Variants in ZDHHC5 observed in about 807,000 individuals in gnomAD.
The protein encoded by ZDHHC5 is zDHHC palmitoyltransferase 5.
ZDHHC5 carries 22 observed loss-of-function variants against 70.0 expected under a neutral mutation model. That is an observed-to-expected ratio of 0.31 (90% confidence interval 0.22 to 0.45). ZDHHC5 has a LOEUF of 0.45. ZDHHC5 is among the 20% of genes least tolerant of loss of function. The probability of loss-of-function intolerance (pLI) is 1.00; values close to 1 mark genes in which losing one functional copy is unlikely to be tolerated. For missense variants in ZDHHC5, 746 were observed against 926.9 expected (o/e 0.80, Z 2.53); for synonymous variants, 313 against 347.8 (o/e 0.90, Z 1.11).
Position 57,698,459 on chromosome 11 carries a change from T to TAA in ZDHHC5, c.1123-99_1123-98insAA, listed in dbSNP as rs1946385597. ...ATGCATGTAAGAGTTCTAAGCTTAT[T>TAA]ATTGGCACATAATTCTCTTTTTGAC... On this transcript the variant is annotated intron_variant, in intron 10 of 11. Transcript: ENST00000287169. 4 of 1,463,052 alleles carry TAA rather than the reference T, an allele frequency of 2.7e-6. No homozygotes were observed. The African/African-American group carries it at 5.7e-5, about 21-fold the overall frequency. 90.6% of individuals were successfully genotyped at this position (1,463,052 alleles called of 1,614,324 possible).
chr11:57,690,014 T>G lies in ZDHHC5; in HGVS notation c.385-17T>G, dbSNP rs769926855. The G allele has an allele frequency of 1.1e-5, 18 of 1,613,170 alleles. No individual in the cohort carries two copies. The highest frequency in any genetic ancestry group is 1.4e-5 in the Non-Finnish European group (17 of 1,179,444). ...ATGGTCCAGGGATGCCTCTCATCTG[T>G]CTCTCTTTGTCCCTAGGAATTTGAT... On this transcript the variant is annotated splice_polypyrimidine_tract_variant and intron_variant, in intron 4 of 11. Coordinates refer to ENST00000287169, the MANE Select transcript of ZDHHC5 (RefSeq NM_015457.3).
At chr11:57,691,792 C>A (rs1313540844) in intron 6 of ZDHHC5, among the ~76,000 whole-genome samples, 1 of 150,186 alleles carries the variant, frequency 6.7e-6, no homozygotes, top group Non-Finnish European at 1.5e-5. Flanking sequence ...TATTTAAGAT[C>A]TTCCTAAAAA....
At chr11:57,677,283 A>ATTTTTT (rs1170220902) in intron 2 of ZDHHC5, among the ~76,000 whole-genome samples, 1 of 81,690 alleles carries the variant, frequency 1.2e-5, no homozygotes, top group Non-Finnish European at 2.3e-5. Context: ...GCTTCACGTG[A>ATTTTTT]TTTTTTTTTT....
chr11:57,672,144 T>G lies in ZDHHC5; in HGVS notation c.-947T>G. ...AACTTCGTTTTCATCCACAGTAAACTTTTGAAGTGTCATCAATTGGAATTG... is the reference window on the plus strand; with the variant it reads ...AACTTCGTTTTCATCCACAGTAAACGTTTGAAGTGTCATCAATTGGAATTG... On this transcript the variant is annotated 5_prime_UTR_variant, in exon 2 of 12. Transcript: ENST00000287169. 1 of 397,970 alleles carries G rather than the reference T, an allele frequency of 2.5e-6. No individual in the cohort carries two copies. Among genetic ancestry groups the G allele is most frequent in the Non-Finnish European group, 4.4e-6 (1 of 225,810 alleles). The allele number at this position is 397,970 out of a possible 1,614,324, so 24.7% of individuals were successfully genotyped here. A position where few individuals can be genotyped will look rare whatever the true frequency, so the allele number is the denominator to read the frequency against.
intron 3 of ZDHHC5, among the ~76,000 whole-genome samples, chr11:57,683,146 G>T (rs1050083438): frequency 6.6e-6 from 1 of 152,224 alleles, no homozygotes; most frequent in Non-Finnish European, 1.5e-5. Flanking sequence ...GGGGCTAGAG[G>T]ATGTTATGCA....
At chr11:57,669,236 A>G (rs1035687460) in intron 1 of ZDHHC5, among the ~76,000 whole-genome samples, 1 of 152,100 alleles carries the variant, frequency 6.6e-6, no homozygotes, top group Non-Finnish European at 1.5e-5. Flanking sequence ...TGGTACCTCC[A>G]TTACTGTGCA....
Position 57,695,813 on chromosome 11 carries a change from A to G in ZDHHC5, c.886-107A>G, listed in dbSNP as rs1487745896. ...CTTGTCTCAAAAAAAAAAAAAAAAT[A>G]CATGAGAATTGACTCCCAAATACCT... On this transcript the variant is annotated intron_variant, in intron 8 of 11. Coordinates refer to ENST00000287169, the MANE Select transcript of ZDHHC5 (RefSeq NM_015457.3). 3 of 1,412,386 alleles carry G rather than the reference A, an allele frequency of 2.1e-6. No homozygotes were observed. The East Asian group carries it at 7.3e-5, about 34-fold the overall frequency. The allele number at this position is 1,412,386 out of a possible 1,614,324, so 87.5% of individuals were successfully genotyped here. A position where few individuals can be genotyped will look rare whatever the true frequency, so the allele number is the denominator to read the frequency against.
chr11:57,672,391 AAG>A lies in ZDHHC5; in HGVS notation c.-694_-693del, dbSNP rs1318900488. ...CAGCTGTTGTCCAGCTTTAGCCATC[AAG>A]AGAGAAATAAATTAAACCACCATTG... On this transcript the variant is annotated 5_prime_UTR_variant, in exon 2 of 12. Transcript: ENST00000287169. 2.0e-5 allele frequency: 8 copies of A among 394,092 alleles called. No homozygotes were observed. The highest frequency in any genetic ancestry group is 1.6e-4 in the African/African-American group (8 of 48,560). The allele number at this position is 394,092 out of a possible 1,614,324, so 24.4% of individuals were successfully genotyped here.
intron 10 of ZDHHC5, among the ~76,000 whole-genome samples, chr11:57,697,367 C>T (rs1157102400): frequency 6.6e-6 from 1 of 151,642 alleles, no homozygotes; most frequent in African/African-American, 2.4e-5. Flanking sequence ...GGAGGCTGAG[C>T]CAGGAGAATG....
At chr11:57,694,201 A>C (rs1946321515) in intron 8 of ZDHHC5, among the ~76,000 whole-genome samples, 1 of 152,024 alleles carries the variant, frequency 6.6e-6, no homozygotes, top group Non-Finnish European at 1.5e-5. Context: ...CATGTTGGCC[A>C]GGCTGGTCTC....
Position 57,698,793 on chromosome 11 carries a change from T to C in ZDHHC5, c.1357T>C (p.Ser453Pro). 3 of 1,614,162 alleles carry C rather than the reference T, an allele frequency of 1.9e-6. No individual in the cohort carries two copies. The highest frequency in any genetic ancestry group is 2.5e-6 in the Non-Finnish European group (3 of 1,180,038). ...LQSIRSEGTTSTSYKSLANQT... is the reference protein window; with the variant it reads ...LQSIRSEGTTPTSYKSLANQT... Reference sequence around the variant, plus strand: ...ATCCATTCGTTCAGAGGGCACCACCTCCACCTCCTATAAGAGCCTGGCCAA... The same window carrying C: ...ATCCATTCGTTCAGAGGGCACCACCCCCACCTCCTATAAGAGCCTGGCCAA... The change falls in exon 11 of 12, where the codon TCC (serine) becomes CCC (proline). Residue 453 changes from serine to proline, a missense_variant. Transcript: ENST00000287169.
chr11:57,698,118 A>AACGCAC (rs375025116), intron 10 of ZDHHC5, among the ~76,000 whole-genome samples: 1 of 110,286 alleles, frequency 9.1e-6, no homozygotes, highest in Non-Finnish European at 2.3e-5. Flanking sequence ...CTGGGCTTAA[A>AACGCAC]ACACACACAC....
At chr11:57,680,008 T>C (rs1207337315) in intron 2 of ZDHHC5, among the ~76,000 whole-genome samples, 1 of 152,156 alleles carries the variant, frequency 6.6e-6, no homozygotes, top group Non-Finnish European at 1.5e-5. Flanking sequence ...CTGGACCAAG[T>C]TGATATCCAG....
Position 57,698,695 on chromosome 11 carries a change from C to T in ZDHHC5, c.1259C>T (p.Pro420Leu). 1 of 1,614,206 alleles carries T rather than the reference C, an allele frequency of 6.2e-7. No homozygotes were observed. Among genetic ancestry groups the T allele is most frequent in the Non-Finnish European group, 8.5e-7 (1 of 1,180,052 alleles). ...PTFGKSFHFD[P>L]LSSGSRSSSL... is the part of the protein sequence containing the mutation. ...TTTGGCAAAAGTTTTCACTTCGATC[C>T]ACTATCCAGTGGCTCACGCTCCTCC... The change falls in exon 11 of 12, where the codon CCA (proline) becomes CTA (leucine). Residue 420 changes from proline (P) to leucine (L), a missense_variant. Pro to Leu is a moderately conservative substitution (Grantham distance 98). Around this residue, in one of 6 missense-constraint regions of ZDHHC5, gnomAD observed 179 missense variants for 178.4 expected, o/e 1.00. Coordinates refer to ENST00000287169, the MANE Select transcript of ZDHHC5 (RefSeq NM_015457.3).
intron 6 of ZDHHC5, among the ~76,000 whole-genome samples, chr11:57,691,878 C>CTT (rs763463361): frequency 6.6e-6 from 1 of 151,664 alleles, no homozygotes; most frequent in Non-Finnish European, 1.5e-5. Context: ...AATTTAGGCT[C>CTT]TGAGTTTATA....
intron 2 of ZDHHC5, among the ~76,000 whole-genome samples, chr11:57,680,487 G>T (rs1369344709): frequency 9.9e-5 from 15 of 152,234 alleles, no homozygotes; most frequent in Admixed American, 7.8e-4. Context: ...GGAAACTAAG[G>T]TGAATATTTC....
chr11:57,679,377 G>C (rs1266774605), intron 2 of ZDHHC5, among the ~76,000 whole-genome samples: 4 of 152,140 alleles, frequency 2.6e-5, no homozygotes, highest in Non-Finnish European at 4.4e-5. Context: ...GGCCAGGCTG[G>C]TCTCGAACTC....
At chr11:57,678,895 T>G (rs1946109397) in intron 2 of ZDHHC5, among the ~76,000 whole-genome samples, 1 of 152,156 alleles carries the variant, frequency 6.6e-6, no homozygotes, top group Admixed American at 6.5e-5. Context: ...TGAAGATCTT[T>G]CTCCTTCATT....
Position 57,699,312 on chromosome 11 carries a change from C to T in ZDHHC5, c.1876C>T (p.Pro626Ser). The T allele has an allele frequency of 1.2e-6, 2 of 1,614,154 alleles. No homozygotes were observed. Among genetic ancestry groups the T allele is most frequent in the South Asian group, 1.1e-5 (1 of 91,072 alleles). ...GRGVGSPEPGPTAPYLGRSMS... is the reference protein window; with the variant it reads ...GRGVGSPEPGSTAPYLGRSMS... The stretch of plus-strand genomic sequence containing the variant: ...GGGAGTAGGGTCCCCTGAACCAGGC[C>T]CAACAGCCCCATACCTGGGCCGATC... The change falls in exon 11 of 12, where the codon CCA (proline) becomes TCA (serine). Residue 626 changes from proline (P) to serine (S), a missense_variant. Around this residue, in one of 6 missense-constraint regions of ZDHHC5, gnomAD observed 340 missense variants for 350.1 expected, o/e 0.97. Transcript: ENST00000287169.
Sources: gnomAD v4.1 joint callset for allele counts (sites outside exome capture counted in the v4.1 genomes callset) on GRCh38, gnomAD v4.1.1 for gene constraint, gnomAD v4.1.1 regional missense constraint, MANE v1.5 for transcripts, NCBI Gene and HGNC (gene_info 2026-07-23, HGNC 2026-07-21) for gene names.